The following TMEM135 variants were observed in gnomAD, a reference collection of about 807,000 sequenced individuals.
The protein encoded by TMEM135 is transmembrane protein 135.
A neutral mutation model predicts 60.3 loss-of-function variants in TMEM135; 30 were observed. That is an observed-to-expected ratio of 0.50 (90% CI 0.37 to 0.68). TMEM135 has a LOEUF of 0.68. TMEM135 is among the 30% of genes least tolerant of loss of function. The probability of loss-of-function intolerance (pLI) is 0.00; values close to 1 mark genes in which losing one functional copy is unlikely to be tolerated. For synonymous variants in TMEM135, 190 were observed against 186.7 expected (o/e 1.02, Z -0.14); for missense variants, 468 against 548.8 (o/e 0.85, Z 1.47).
chr11:87,141,390 T>C (rs1938257699), intron 4 of TMEM135, among the ~76,000 whole-genome samples: 1 of 152,166 alleles, frequency 6.6e-6, no homozygotes. Context: ...AGTTGGTTTT[T>C]GGTAGGATAC....
chr11:87,128,965 C>T (rs1163585774), intron 4 of TMEM135, among the ~76,000 whole-genome samples: 2 of 151,128 alleles, frequency 1.3e-5, no homozygotes, highest in Non-Finnish European at 2.9e-5. Flanking sequence ...TTCCAAATGC[C>T]CTTGCTGTTC....
chr11:87,168,183 A>C (rs1939120397), intron 5 of TMEM135, among the ~76,000 whole-genome samples: 1 of 151,826 alleles, frequency 6.6e-6, no homozygotes, highest in African/African-American at 2.4e-5. Flanking sequence ...TATTGTGTCT[A>C]TTTTATTCTT....
At chr11:87,230,090 TTCCTCA>T in intron 5 of TMEM135, among the ~76,000 whole-genome samples, 1 of 152,092 alleles carries the variant, frequency 6.6e-6, no homozygotes, top group Non-Finnish European at 1.5e-5. Context: ...TTAGCAGTCC[TTCCTCA>T]TCATCCCTTA....
intron 7 of TMEM135, among the ~76,000 whole-genome samples, chr11:87,299,102 A>C (rs959055101): frequency 3.9e-5 from 6 of 152,128 alleles, no homozygotes; most frequent in Admixed American, 3.9e-4. Context: ...AAAAAACAAA[A>C]CCAAAACCAA....
intron 4 of TMEM135, among the ~76,000 whole-genome samples, chr11:87,146,540 A>G (rs745514517): frequency 2.0e-4 from 31 of 152,192 alleles, no homozygotes; most frequent in Admixed American, 8.5e-4. Context: ...GAGCCACTCT[A>G]CCTGGTGATT....
chr11:87,061,697 G>A (rs920930899), intron 1 of TMEM135, among the ~76,000 whole-genome samples: 1 of 152,134 alleles, frequency 6.6e-6, no homozygotes, highest in South Asian at 2.1e-4. Context: ...TTCCATGGCC[G>A]TAAAGTGCAA....
chr11:87,102,445 A>G (rs982015085), intron 4 of TMEM135, among the ~76,000 whole-genome samples: 1 of 152,142 alleles, frequency 6.6e-6, no homozygotes, highest in African/African-American at 2.4e-5. Context: ...GTATGAATAT[A>G]TAGGAACTGG....
intron 5 of TMEM135, chr11:87,157,999 T>C (rs1177725996): frequency 6.5e-6 from 1 of 152,924 alleles, no homozygotes; most frequent in Non-Finnish European, 1.5e-5. Context: ...TTTTCTCCTT[T>C]ACTAAGACAA....
At chr11:87,043,303 T>C (rs546687880) in intron 1 of TMEM135, among the ~76,000 whole-genome samples, 1 of 152,234 alleles carries the variant, frequency 6.6e-6, no homozygotes, top group Admixed American at 6.5e-5. Flanking sequence ...TTTTGTGATA[T>C]ACGGTAACAA....
At chr11:87,207,116 A>T (rs1406673896) in intron 5 of TMEM135, among the ~76,000 whole-genome samples, 1 of 152,180 alleles carries the variant, frequency 6.6e-6, no homozygotes, top group Non-Finnish European at 1.5e-5. Context: ...ACAGAACAGA[A>T]TGCTAGGAGA....
In TMEM135 at chr11:87,328,558, T is replaced by G; in HGVS notation, c.*7225T>G. 1 of 454,108 alleles carries G rather than the reference T, an allele frequency of 2.2e-6. No individual in the cohort carries two copies. Among genetic ancestry groups the G allele is most frequent in the Non-Finnish European group, 4.4e-6 (1 of 226,786 alleles). 28.1% of individuals were successfully genotyped at this position (454,108 alleles called of 1,614,324 possible). A position where few individuals can be genotyped will look rare whatever the true frequency, so the allele number is the denominator to read the frequency against. ...CACTCTGTATACCCTTGTGTATCCA[T>G]AGCTTAGCTCCCACTTACAGTTGAG... On this transcript the variant is annotated 3_prime_UTR_variant, in exon 15 of 15. Transcript: ENST00000305494.
intron 5 of TMEM135, among the ~76,000 whole-genome samples, chr11:87,175,187 A>T (rs932050823): frequency 1.3e-5 from 2 of 152,178 alleles, no homozygotes; most frequent in African/African-American, 4.8e-5. Flanking sequence ...AATCAAAACA[A>T]CATATTATAT....
chr11:87,316,547 CTG>C (rs552435879), intron 12 of TMEM135, among the ~76,000 whole-genome samples: 173 of 152,062 alleles, frequency 1.1e-3, no homozygotes, highest in African/African-American at 3.9e-3. Context: ...AACAGTTAGT[CTG>C]TGTCAGGAAA....
chr11:87,265,115 T>G (rs1203135588), intron 6 of TMEM135, among the ~76,000 whole-genome samples: 1 of 151,972 alleles, frequency 6.6e-6, no homozygotes, highest in Non-Finnish European at 1.5e-5. Flanking sequence ...CTATTCACAC[T>G]TAGATCAGCT....
chr11:87,169,093 G>A (rs541407790), intron 5 of TMEM135, among the ~76,000 whole-genome samples: 92 of 151,830 alleles, frequency 6.1e-4, no homozygotes, highest in African/African-American at 2.1e-3. Flanking sequence ...TTGGTTTAAA[G>A]TCTGTTTTAT....
chr11:87,153,784 T>C (rs906079033), intron 4 of TMEM135, among the ~76,000 whole-genome samples: 1 of 152,222 alleles, frequency 6.6e-6, no homozygotes, highest in Non-Finnish European at 1.5e-5. Flanking sequence ...AATTGTTCGA[T>C]AAATTCTAAA....
In TMEM135 at chr11:87,328,771, T is replaced by C. The variant is rs969103044; in HGVS notation, c.*7438T>C. The C allele has an allele frequency of 3.7e-5, 17 of 454,026 alleles. No individual in the cohort carries two copies. The Admixed American group carries it at 4.0e-4, about 11-fold the overall frequency. 28.1% of individuals were successfully genotyped at this position (454,026 alleles called of 1,614,324 possible). Reference sequence around the variant, plus strand: ...GGTCTATGGGCACTTTGGTTGATTCTGTATCTTTGCAATTGTGAACTGTGT... The same window carrying C: ...GGTCTATGGGCACTTTGGTTGATTCCGTATCTTTGCAATTGTGAACTGTGT... On this transcript the variant is annotated 3_prime_UTR_variant, in exon 15 of 15. Coordinates refer to ENST00000305494, the MANE Select transcript of TMEM135 (RefSeq NM_022918.4).
At chr11:87,269,009 A>C (rs749651374) in intron 6 of TMEM135, among the ~76,000 whole-genome samples, 14 of 151,350 alleles carry the variant, frequency 9.3e-5, no homozygotes, top group South Asian at 4.1e-4. Flanking sequence ...ATTTATGCTT[A>C]AACTTGTTGT....
At chr11:87,102,361 G>A (rs935330512) in intron 4 of TMEM135, among the ~76,000 whole-genome samples, 1 of 152,126 alleles carries the variant, frequency 6.6e-6, no homozygotes, top group African/African-American at 2.4e-5. Flanking sequence ...TATTAGAAAG[G>A]TTATGGATGA....
Sources: allele counts gnomAD v4.1 joint callset (sites outside exome capture counted in the v4.1 genomes callset), GRCh38; gene constraint gnomAD v4.1.1; transcripts MANE v1.5; gene names NCBI Gene and HGNC (gene_info 2026-07-23, HGNC 2026-07-21).